OPCML: variants seen among roughly 807,000 people sequenced by gnomAD.
OPCML encodes opioid-binding protein/cell adhesion molecule.
OPCML carries 13 observed loss-of-function variants against 37.8 expected under a neutral mutation model. The ratio of observed to expected loss-of-function variants is 0.34; its 90% CI spans 0.22 to 0.55. OPCML has a LOEUF of 0.55. Among genes scored for constraint, OPCML ranks in the 20% least tolerant of loss-of-function variants. The pLI, the probability that OPCML is intolerant of heterozygous loss-of-function variation, is 0.91. For missense variants in OPCML, 341 were observed against 435.6 expected (o/e 0.78, Z 1.93); for synonymous variants, 176 against 168.8 (o/e 1.04, Z -0.33).
intron 2 of OPCML, among the ~76,000 whole-genome samples, chr11:132,740,931 C>T (rs180771790): frequency 2.0e-5 from 3 of 152,196 alleles, no homozygotes; most frequent in East Asian, 1.9e-4. Context: ...TATGCAGCAC[C>T]GAATCCTTAC....
At chr11:133,186,972 CGTG>C (rs1420968326) in intron 1 of OPCML, among the ~76,000 whole-genome samples, 1 of 151,900 alleles carries the variant, frequency 6.6e-6, no homozygotes, top group Non-Finnish European at 1.5e-5. Context: ...AGGCATTCGT[CGTG>C]GTGGTGGTGG....
At chr11:133,042,637 C>A (rs1947928014) in intron 1 of OPCML, among the ~76,000 whole-genome samples, 1 of 152,196 alleles carries the variant, frequency 6.6e-6, no homozygotes. Flanking sequence ...TCTAGGTTAA[C>A]TATTACCCTG....
chr11:133,374,440 G>T (rs533806847), intron 1 of OPCML, among the ~76,000 whole-genome samples: 1 of 152,156 alleles, frequency 6.6e-6, no homozygotes, highest in Non-Finnish European at 1.5e-5. Flanking sequence ...TTATCCAATT[G>T]TACAGTTTAA....
intron 1 of OPCML, among the ~76,000 whole-genome samples, chr11:133,143,635 T>C (rs1949856906): frequency 6.6e-6 from 1 of 152,180 alleles, no homozygotes; most frequent in East Asian, 1.9e-4. Context: ...CCATATCTCA[T>C]CTCAGCTGGA....
chr11:133,499,860 A>T lies in OPCML; in HGVS notation c.61+32404T>A, dbSNP rs1427447565. On this transcript the variant is annotated intron_variant, in intron 1 of 7. Coordinates refer to ENST00000524381, the MANE Select transcript of OPCML (RefSeq NM_001012393.5). The stretch of plus-strand genomic sequence containing the variant: ...TGTATGTATATATATATACATACAC[A>T]TATATATATATATATTTTTTTTTTT... 7.1e-5 allele frequency among the ~76,000 whole-genome samples: 8 copies of T among 112,358 alleles called. No homozygotes were observed. The Admixed American group carries it at 7.4e-4, about 10-fold the overall frequency. 73.7% of individuals were successfully genotyped at this position (112,358 alleles called of 152,430 possible). A position where few individuals can be genotyped will look rare whatever the true frequency, so the allele number is the denominator to read the frequency against.
At chr11:133,038,068 C>T (rs1043202178) in intron 1 of OPCML, among the ~76,000 whole-genome samples, 8 of 152,224 alleles carry the variant, frequency 5.3e-5, no homozygotes, top group African/African-American at 1.9e-4. Context: ...GAGACCTTTC[C>T]ACTCTTGGCC....
chr11:132,750,083 C>T (rs760578005), intron 2 of OPCML, among the ~76,000 whole-genome samples: 18 of 152,012 alleles, frequency 1.2e-4, no homozygotes, highest in Admixed American at 2.6e-4. Flanking sequence ...GGGTTTTGCC[C>T]CAACACTTTG....
Position 132,629,626 on chromosome 11 carries a change from A to C in OPCML, c.379+27461T>G, listed in dbSNP as rs116814112. Among the ~76,000 whole-genome samples the C allele has an allele frequency of 9.9e-3, 1,506 of 152,280 alleles. 24 individuals carry two copies. The highest frequency in any genetic ancestry group is 0.034 in the African/African-American group (1,420 of 41,538). On this transcript the variant is annotated intron_variant, in intron 3 of 7. Transcript: ENST00000524381. ...TCTTTTAAAATGTCAGAAACATCTA[A>C]AAATGATTTTTTGCTTTATTTTGTT...
Position 133,477,563 on chromosome 11 carries a change from T to C in OPCML, c.61+54701A>G, listed in dbSNP as rs565851237. 2.0e-5 allele frequency among the ~76,000 whole-genome samples: 3 copies of C among 152,302 alleles called. No individual in the cohort carries two copies. In the South Asian group the frequency reaches 6.2e-4, roughly 32 times the overall value. ...TTGGTGGAAGTTTGATGCGGGTTTTTTTTCTTTTAGAGTAGAGGTGGACAG... is the reference window on the plus strand; with the variant it reads ...TTGGTGGAAGTTTGATGCGGGTTTTCTTTCTTTTAGAGTAGAGGTGGACAG... On this transcript the variant is annotated intron_variant, in intron 1 of 7. Transcript: ENST00000524381.
At chr11:133,005,176 C>G (rs1947084087) in intron 1 of OPCML, 1 of 985,428 alleles carries the variant, frequency 1.0e-6, no homozygotes, top group Non-Finnish European at 1.2e-6. Flanking sequence ...CCCAATCTCT[C>G]TAGCCCGGGT....
chr11:132,422,361 C>T (rs981536504), intron 7 of OPCML, among the ~76,000 whole-genome samples: 1 of 152,090 alleles, frequency 6.6e-6, no homozygotes. Context: ...GAGTGGGGCT[C>T]AGAGAGAGAA....
intron 2 of OPCML, among the ~76,000 whole-genome samples, chr11:132,705,632 C>G (rs1446306365): frequency 6.6e-6 from 1 of 151,938 alleles, no homozygotes; most frequent in South Asian, 2.1e-4. Flanking sequence ...TACGGCAATT[C>G]CCCCCGCCCT....
At position 133,162,494 on chromosome 11, in the gene OPCML, G is replaced by C. The variant is rs142025790; in HGVS notation, c.62-219484C>G. On this transcript the variant is annotated intron_variant, in intron 1 of 7. Coordinates refer to ENST00000524381, the MANE Select transcript of OPCML (RefSeq NM_001012393.5). ...TCCATCTTGCTTTGGCTGGGGGGCC[G>C]GCCAGGTTCCCGTCATGTCAGTGCT... Among the ~76,000 whole-genome samples the C allele has an allele frequency of 3.6e-3, 547 of 152,288 alleles. 1 individual carries two copies. Among genetic ancestry groups the C allele is most frequent in the Non-Finnish European group, 5.6e-3 (379 of 68,020 alleles).
At chr11:132,635,226 G>A (rs1255303234) in intron 3 of OPCML, among the ~76,000 whole-genome samples, 1 of 152,052 alleles carries the variant, frequency 6.6e-6, no homozygotes, top group Non-Finnish European at 1.5e-5. Flanking sequence ...TAAAACTATG[G>A]AGTATGCTTA....
chr11:133,496,844 A>C (rs1947797895), intron 1 of OPCML, among the ~76,000 whole-genome samples: 1 of 152,206 alleles, frequency 6.6e-6, no homozygotes, highest in South Asian at 2.1e-4. Flanking sequence ...TATTGTCAGC[A>C]AACAGGGACA....
chr11:132,646,322 A>G (rs1240075940), intron 3 of OPCML, among the ~76,000 whole-genome samples: 3 of 152,346 alleles, frequency 2.0e-5, no homozygotes, highest in Middle Eastern at 3.4e-3. Context: ...ACCAAAAAGT[A>G]AAAAAGAAAT....
chr11:132,803,906 T>C (rs1053286119), intron 2 of OPCML, among the ~76,000 whole-genome samples: 8 of 152,336 alleles, frequency 5.3e-5, no homozygotes, highest in Admixed American at 2.6e-4. Flanking sequence ...TAGTAAGCCA[T>C]GCTCACTATT....
intron 2 of OPCML, among the ~76,000 whole-genome samples, chr11:132,735,343 A>T (rs1304985447): frequency 6.6e-6 from 1 of 152,124 alleles, no homozygotes; most frequent in African/African-American, 2.4e-5. Context: ...GGCTTCTTAG[A>T]AGTTTAAAAG....
chr11:132,744,774 G>T (rs1380757764), intron 2 of OPCML, among the ~76,000 whole-genome samples: 1 of 152,242 alleles, frequency 6.6e-6, no homozygotes, highest in Admixed American at 6.5e-5. Flanking sequence ...GCAAATAAAT[G>T]CTGAGGGGAC....
Sources: gnomAD v4.1 joint callset for allele counts (sites outside exome capture counted in the v4.1 genomes callset) on GRCh38, gnomAD v4.1.1 for gene constraint, MANE v1.5 for transcripts, NCBI Gene and HGNC (gene_info 2026-07-23, HGNC 2026-07-21) for gene names.